C12orf42: variants seen among roughly 807,000 people sequenced by gnomAD.
C12orf42 encodes the protein chromosome 12 open reading frame 42.
A neutral mutation model predicts 21.6 loss-of-function variants in C12orf42; 25 were observed. The ratio of observed to expected loss-of-function variants is 1.16; its 90% CI spans 0.84 to 1.62. C12orf42 has a LOEUF of 1.62. Ranked by LOEUF, C12orf42 falls within the 40% of genes most tolerant of loss-of-function variation. C12orf42 has a pLI of 0.00. For missense variants in C12orf42, 483 were observed against 459.3 expected, an observed-to-expected ratio of 1.05 and a Z score of -0.47; for synonymous variants, 174 against 175.0, an observed-to-expected ratio of 0.99 and a Z score of 0.05.
At chr12:103,063,234 A>C in the C12orf42 span, among the ~76,000 whole-genome samples, 1 of 152,214 alleles carries the variant, frequency 6.6e-6, no homozygotes, top group African/African-American at 2.4e-5. Context: ...ACAGAGCCTT[A>C]AATCTGCTAA....
the C12orf42 span, among the ~76,000 whole-genome samples, chr12:103,187,687 A>G: frequency 7.2e-5 from 11 of 152,286 alleles, no homozygotes; most frequent in South Asian, 2.3e-3. Flanking sequence ...GAAGGTAATA[A>G]TGTCCTAAGT....
the C12orf42 span, among the ~76,000 whole-genome samples, chr12:103,506,786 T>G: frequency 1.6e-5 from 2 of 126,050 alleles, no homozygotes; most frequent in Non-Finnish European, 3.2e-5. Context: ...TGCAACAAAG[T>G]GGTCTCTGGG....
the C12orf42 span, among the ~76,000 whole-genome samples, chr12:103,156,962 T>A: frequency 6.6e-6 from 1 of 152,206 alleles, no homozygotes; most frequent in Non-Finnish European, 1.5e-5. Context: ...TATAGTAGAA[T>A]GATTTATATT....
At chr12:103,475,201 T>G (rs1015338933) in intron 2 of C12orf42, among the ~76,000 whole-genome samples, 7 of 152,222 alleles carry the variant, frequency 4.6e-5, no homozygotes, top group African/African-American at 1.7e-4. Flanking sequence ...AGCAGGCTTT[T>G]GCCGCGGCTT....
chr12:103,247,589 G>A (rs1305611663), intron 10 of C12orf42, among the ~76,000 whole-genome samples: 1 of 152,006 alleles, frequency 6.6e-6, no homozygotes, highest in African/African-American at 2.4e-5. Context: ...TCCTAGGCCA[G>A]CTTGTCCTCC....
chr12:103,312,285 G>A (rs1307555665), intron 4 of C12orf42, among the ~76,000 whole-genome samples: 1 of 152,178 alleles, frequency 6.6e-6, no homozygotes, highest in African/African-American at 2.4e-5. Flanking sequence ...TAGTGCCAGA[G>A]GATACATGTG....
chr12:103,057,133 G>GT, the C12orf42 span, among the ~76,000 whole-genome samples: 288 of 148,636 alleles, frequency 1.9e-3, no homozygotes, highest in African/African-American at 6.9e-3. Flanking sequence ...GGTTTTAGCT[G>GT]TTTTTTTCTG....
the C12orf42 span, among the ~76,000 whole-genome samples, chr12:103,191,435 C>T: frequency 6.8e-6 from 1 of 148,024 alleles, no homozygotes; most frequent in South Asian, 2.1e-4. Flanking sequence ...AGGCTGGGTG[C>T]AGTGGCTCAT....
the C12orf42 span, among the ~76,000 whole-genome samples, chr12:103,177,857 TTGTGTG>T: frequency 8.2e-6 from 1 of 122,644 alleles, no homozygotes; most frequent in African/African-American, 2.7e-5. Context: ...GTGTGTGTGT[TTGTGTG>T]TGTGTGTGTG....
chr12:103,250,820 C>G (rs1460833434), intron 10 of C12orf42, among the ~76,000 whole-genome samples: 1 of 152,016 alleles, frequency 6.6e-6, no homozygotes, highest in Non-Finnish European at 1.5e-5. Context: ...CCCACCTGTT[C>G]CCTTGAGTGT....
chr12:103,276,507 G>A (rs1481645104), intron 5 of C12orf42, among the ~76,000 whole-genome samples: 1 of 152,170 alleles, frequency 6.6e-6, no homozygotes, highest in Non-Finnish European at 1.5e-5. Context: ...TGTCCAAGGA[G>A]GAGCATTAAC....
chr12:103,276,439 C>A (rs2035776712), intron 5 of C12orf42, among the ~76,000 whole-genome samples: 1 of 152,232 alleles, frequency 6.6e-6, no homozygotes, highest in African/African-American at 2.4e-5. Context: ...TTCCCTGGTA[C>A]TCTCCCCATT....
intron 4 of C12orf42, among the ~76,000 whole-genome samples, chr12:103,281,549 G>A (rs2036120854): frequency 6.6e-6 from 1 of 152,014 alleles, no homozygotes; most frequent in Non-Finnish European, 1.5e-5. Context: ...GTAGAGACGG[G>A]GTTTCACCAT....
At chr12:103,467,557 G>C (rs972469069) in intron 2 of C12orf42, among the ~76,000 whole-genome samples, 1 of 152,110 alleles carries the variant, frequency 6.6e-6, no homozygotes, top group Admixed American at 6.5e-5. Flanking sequence ...CCCGCTGGAG[G>C]GTAGAACAGG....
chr12:103,142,294 A>T, the C12orf42 span, among the ~76,000 whole-genome samples: 2 of 152,120 alleles, frequency 1.3e-5, no homozygotes, highest in African/African-American at 4.8e-5. Flanking sequence ...TTCCAAATGG[A>T]CTCTCTCTGA....
At chr12:103,222,888 T>C in the C12orf42 span, among the ~76,000 whole-genome samples, 3 of 151,198 alleles carry the variant, frequency 2.0e-5, no homozygotes, top group Non-Finnish European at 4.4e-5. Context: ...CCCAGGAGTT[T>C]GCCACTCTCA....
chr12:103,172,558 C>T, the C12orf42 span, among the ~76,000 whole-genome samples: 1 of 152,042 alleles, frequency 6.6e-6, no homozygotes, highest in East Asian at 1.9e-4. Context: ...CTCAGAGAAG[C>T]AAAAGACTTG....
At chr12:103,507,190 T>TATAAATATATA in the C12orf42 span, among the ~76,000 whole-genome samples, 2 of 25,260 alleles carry the variant, frequency 7.9e-5, no homozygotes, top group South Asian at 1.9e-3. Flanking sequence ...ATATATAATA[T>TATAAATATATA]ATATATATTT....
At chr12:103,088,823 G>T in the C12orf42 span, among the ~76,000 whole-genome samples, 3 of 152,188 alleles carry the variant, frequency 2.0e-5, no homozygotes, top group Admixed American at 1.3e-4. Flanking sequence ...AATCAACTCA[G>T]CTGGGTGCGG....
Sources: gnomAD v4.1 joint callset for allele counts (sites outside exome capture counted in the v4.1 genomes callset) on GRCh38, gnomAD v4.1.1 for gene constraint, MANE v1.5 for transcripts, NCBI Gene and HGNC (gene_info 2026-07-23, HGNC 2026-07-21) for gene names.